BBS9: variants seen among roughly 807,000 people sequenced by gnomAD.
BBS9 encodes Bardet-Biedl syndrome 9.
A neutral mutation model predicts 117.7 loss-of-function variants in BBS9; 89 were observed. The observed-to-expected ratio is 0.76, with a 90% CI of 0.64 to 0.90. The LOEUF (loss-of-function observed/expected upper bound fraction) is 0.90, where lower values mean the gene tolerates loss of function less well. Among genes scored for constraint, BBS9 ranks in the 40% least tolerant of loss-of-function variants. The pLI is 0.00. For synonymous variants in BBS9, 379 were observed against 370.9 expected, an observed-to-expected ratio of 1.02 and a Z score of -0.25; for missense variants, 982 against 1,042.2, an observed-to-expected ratio of 0.94 and a Z score of 0.80.
At chr7:33,366,516 A>C (rs1448298583) in intron 16 of BBS9, among the ~76,000 whole-genome samples, 2 of 125,264 alleles carry the variant, frequency 1.6e-5, no homozygotes, top group Admixed American at 7.6e-5. Context: ...ATGATGTTTA[A>C]TGTTTCTTTT....
chr7:33,246,696 G>T (rs1444943517), intron 5 of BBS9, among the ~76,000 whole-genome samples: 1 of 151,962 alleles, frequency 6.6e-6, no homozygotes, highest in African/African-American at 2.4e-5. Context: ...AAAGTACACG[G>T]GTTCTTCTGT....
At chr7:33,284,000 C>G (rs1802402649) in intron 9 of BBS9, among the ~76,000 whole-genome samples, 1 of 152,096 alleles carries the variant, frequency 6.6e-6, no homozygotes, top group Admixed American at 6.6e-5. Flanking sequence ...TGCCGCTTGT[C>G]TTTCTGTCTT....
At chr7:33,535,697 A>G (rs760627502) in intron 21 of BBS9, among the ~76,000 whole-genome samples, 55 of 152,316 alleles carry the variant, frequency 3.6e-4, no homozygotes, top group Non-Finnish European at 6.3e-4. Context: ...AATGAAAACT[A>G]TTCATTATAA....
At chr7:33,213,546 CAGAA>C (rs1788441440) in intron 5 of BBS9, among the ~76,000 whole-genome samples, 1 of 152,206 alleles carries the variant, frequency 6.6e-6, no homozygotes, top group Non-Finnish European at 1.5e-5. Flanking sequence ...ATTTCTCAAA[CAGAA>C]AGAGTGTTTC....
At chr7:33,589,498 G>T (rs1416637215) in intron 21 of BBS9, among the ~76,000 whole-genome samples, 1 of 152,086 alleles carries the variant, frequency 6.6e-6, no homozygotes, top group Non-Finnish European at 1.5e-5. Flanking sequence ...GTACCAAAGT[G>T]GTAGTAGTGG....
At chr7:33,563,313 G>T (rs1166879675) in intron 21 of BBS9, among the ~76,000 whole-genome samples, 5 of 152,156 alleles carry the variant, frequency 3.3e-5, no homozygotes, top group Non-Finnish European at 7.3e-5. Flanking sequence ...TGGAACCTGG[G>T]ATCTGGAAAT....
At chr7:33,263,371 G>T (rs1469824771) in intron 6 of BBS9, among the ~76,000 whole-genome samples, 2 of 152,058 alleles carry the variant, frequency 1.3e-5, no homozygotes, top group Non-Finnish European at 2.9e-5. Flanking sequence ...TAGAAAATGT[G>T]AGTTTTGATT....
rs572513051 is a variant in BBS9, at chr7:33,140,226, G to A, written c.-11-6016G>A. On this transcript the variant is annotated intron_variant, in intron 1 of 22. Transcript: ENST00000242067. Reference sequence around the variant, plus strand: ...TTTTTAGTAGAGATGGGGTTTCACCGTGTTAGCCAGGATGGTCTCGATCTC... The same window carrying A: ...TTTTTAGTAGAGATGGGGTTTCACCATGTTAGCCAGGATGGTCTCGATCTC... Among the ~76,000 whole-genome samples the A allele has an allele frequency of 7.2e-5, 11 of 152,034 alleles. No homozygotes were observed. The South Asian group carries it at 2.3e-3, about 32-fold the overall frequency.
chr7:33,371,552 A>T (rs1822864604), intron 17 of BBS9, among the ~76,000 whole-genome samples: 2 of 152,124 alleles, frequency 1.3e-5, no homozygotes, highest in South Asian at 4.1e-4. Flanking sequence ...CAGGAAAGAG[A>T]AGTGGATCAT....
intron 19 of BBS9, among the ~76,000 whole-genome samples, chr7:33,487,634 T>C (rs1843298250): frequency 6.6e-6 from 1 of 152,220 alleles, no homozygotes; most frequent in Admixed American, 6.5e-5. Flanking sequence ...AGGCAGGCTT[T>C]GCTGCTGGAG....
At chr7:33,167,136 A>C (rs1795826595) in intron 4 of BBS9, among the ~76,000 whole-genome samples, 1 of 152,240 alleles carries the variant, frequency 6.6e-6, no homozygotes, top group South Asian at 2.1e-4. Context: ...CAGGTTCTCC[A>C]TGAGTCCATG....
intron 19 of BBS9, among the ~76,000 whole-genome samples, chr7:33,504,198 C>G (rs568442368): frequency 6.6e-6 from 1 of 152,336 alleles, no homozygotes; most frequent in Non-Finnish European, 1.5e-5. Context: ...GTTTAAACTT[C>G]CATGCCTCCC....
chr7:33,581,637 A>G (rs1859935592), intron 21 of BBS9, among the ~76,000 whole-genome samples: 2 of 152,146 alleles, frequency 1.3e-5, no homozygotes, highest in Admixed American at 6.6e-5. Context: ...ACCTGCCAAG[A>G]GGGTTGGTTA....
intron 21 of BBS9, among the ~76,000 whole-genome samples, chr7:33,604,030 A>C (rs910047809): frequency 2.0e-5 from 3 of 152,064 alleles, no homozygotes; most frequent in South Asian, 2.1e-4. Context: ...GAGGCTTTGG[A>C]CTCTGTGTGT....
chr7:33,398,762 A>G (rs907961210), intron 19 of BBS9, among the ~76,000 whole-genome samples: 4 of 152,194 alleles, frequency 2.6e-5, no homozygotes, highest in African/African-American at 4.8e-5. Flanking sequence ...TTTTTGAGAC[A>G]GAGTCTCGCC....
chr7:33,152,988 C>A, intron 3 of BBS9, 137 bp downstream of exon 3: 2 of 923,162 alleles, frequency 2.2e-6, no homozygotes, highest in Non-Finnish European at 3.3e-6. Context: ...GGGTTTCTCA[C>A]GTATGGAATG....
chr7:33,555,530 G>A (rs919334906), intron 21 of BBS9, among the ~76,000 whole-genome samples: 38 of 152,180 alleles, frequency 2.5e-4, no homozygotes, highest in African/African-American at 9.2e-4. Flanking sequence ...GAAGCAGCAA[G>A]CGTGATGAAG....
At chr7:33,539,663 T>C (rs1851968131) in intron 21 of BBS9, among the ~76,000 whole-genome samples, 1 of 152,232 alleles carries the variant, frequency 6.6e-6, no homozygotes, top group Non-Finnish European at 1.5e-5. Context: ...AGTCCTTTGA[T>C]ATGCAAGTTA....
At chr7:33,348,451 G>A (rs9785048) in intron 12 of BBS9, among the ~76,000 whole-genome samples, 131,619 of 152,188 alleles carry the variant, frequency 0.86, 57,116 homozygotes, top group East Asian at 0.92. Flanking sequence ...GTATGAATAT[G>A]TCACATTTTG....
Sources: gnomAD v4.1 joint callset for allele counts (sites outside exome capture counted in the v4.1 genomes callset) on GRCh38, gnomAD v4.1.1 for gene constraint, MANE v1.5 for transcripts, NCBI Gene and HGNC (gene_info 2026-07-23, HGNC 2026-07-21) for gene names.